Variants in APBA1 observed in about 807,000 individuals in gnomAD.
The protein encoded by APBA1 is amyloid-beta A4 precursor protein-binding family A member 1.
In APBA1, 55 loss-of-function variants were observed where a neutral mutation model predicts 86.6. The observed-to-expected ratio is 0.64, with a 90% confidence interval of 0.51 to 0.80. APBA1 has a LOEUF of 0.80. Ranked by LOEUF, APBA1 falls within the 30% of genes least tolerant of loss-of-function variation. APBA1 has a pLI of 0.00. For missense variants in APBA1, 1,090 were observed against 1,183.0 expected, an observed-to-expected ratio of 0.92 and a Z score of 1.15; for synonymous variants, 511 against 493.9, an observed-to-expected ratio of 1.03 and a Z score of -0.46.
At chr9:69,534,252 C>A (rs1836474538) in intron 1 of APBA1, among the ~76,000 whole-genome samples, 1 of 152,070 alleles carries the variant, frequency 6.6e-6, no homozygotes, top group African/African-American at 2.4e-5. Flanking sequence ...GAACTGAGTT[C>A]CTGCCCACCA....
chr9:69,571,339 C>A (rs1837111588), intron 1 of APBA1, among the ~76,000 whole-genome samples: 1 of 152,116 alleles, frequency 6.6e-6, no homozygotes, highest in Admixed American at 6.5e-5. Context: ...TTGATCCTGG[C>A]CTTTTTATCC....
At chr9:69,544,443 G>A (rs1442691875) in intron 1 of APBA1, among the ~76,000 whole-genome samples, 1 of 152,146 alleles carries the variant, frequency 6.6e-6, no homozygotes, top group Non-Finnish European at 1.5e-5. Context: ...ATACTCCCAT[G>A]CAGTAAGATG....
intron 10 of APBA1, among the ~76,000 whole-genome samples, chr9:69,447,884 G>A (rs1321697962): frequency 6.6e-6 from 1 of 152,120 alleles, no homozygotes; most frequent in Admixed American, 6.5e-5. Context: ...TCCCTGGGGG[G>A]CAGGGACTGT....
Position 69,516,929 on chromosome 9 carries a change from G to A in APBA1, c.282C>T (p.Gly94=). The A allele has an allele frequency of 6.3e-7, 1 of 1,594,006 alleles. No homozygotes were observed. The highest frequency in any genetic ancestry group is 8.5e-7 in the Non-Finnish European group (1 of 1,177,100). ...CGTCGCGGGCCGCGGCGATCACGTC[G>A]CCCTCGGCGGTGTCCGTGTGGTTGT... is the stretch of plus-strand genomic sequence containing the variant. The part of the protein sequence containing the change: ...GFHNHTDTAE[G]DVIAAARDGY... Residue 94 remains glycine (G), a synonymous_variant, in exon 2 of 13, where the codon GGC becomes GGT. Coordinates refer to ENST00000265381, the MANE Select transcript of APBA1 (RefSeq NM_001163.4). This position sits in a 1 kb window ranked among gnomAD's most constrained non-coding sequence, Gnocchi z 7.3.
At chr9:69,632,114 A>T (rs1055438042) in intron 1 of APBA1, among the ~76,000 whole-genome samples, 2 of 152,068 alleles carry the variant, frequency 1.3e-5, no homozygotes, top group Non-Finnish European at 2.9e-5. Context: ...TTTTCTCTGA[A>T]TAACACAGGA....
chr9:69,642,688 C>A (rs1304066815), intron 1 of APBA1, among the ~76,000 whole-genome samples: 1 of 151,784 alleles, frequency 6.6e-6, no homozygotes, highest in Non-Finnish European at 1.5e-5. Flanking sequence ...TCTTCATTTG[C>A]AGATGAAGGT....
At chr9:69,514,055 G>A (rs541147180) in intron 2 of APBA1, among the ~76,000 whole-genome samples, 2 of 152,312 alleles carry the variant, frequency 1.3e-5, no homozygotes, top group Admixed American at 6.5e-5. Flanking sequence ...GCAAAGGTTA[G>A]TCTTCCTGAT....
chr9:69,485,711 AT>A (rs1425723666), intron 2 of APBA1, among the ~76,000 whole-genome samples: 8 of 152,088 alleles, frequency 5.3e-5, no homozygotes, highest in African/African-American at 1.2e-4. Context: ...GTTCTACATA[AT>A]TACAAGGTCT....
intron 1 of APBA1, among the ~76,000 whole-genome samples, chr9:69,656,641 T>C (rs1369148089): frequency 1.3e-5 from 2 of 152,236 alleles, no homozygotes; most frequent in South Asian, 4.1e-4. Context: ...TTGATTCAAG[T>C]GCTAGTTATA....
chr9:69,666,972 A>T (rs760793725), intron 1 of APBA1, among the ~76,000 whole-genome samples: 2 of 152,174 alleles, frequency 1.3e-5, no homozygotes, highest in Non-Finnish European at 2.9e-5. Context: ...TGGGTATGGT[A>T]TTGGGCGAGG....
intron 1 of APBA1, among the ~76,000 whole-genome samples, chr9:69,523,481 ATATATATATATATATG>A (rs1324017021): frequency 0.022 from 1,754 of 80,372 alleles, 4 homozygotes; most frequent in African/African-American, 0.033. Flanking sequence ...ATATATGTAT[ATATATATATATATATG>A]TATATATATA....
intron 1 of APBA1, among the ~76,000 whole-genome samples, chr9:69,566,862 GTTA>G (rs1240738668): frequency 2.6e-5 from 4 of 151,992 alleles, no homozygotes; most frequent in Admixed American, 2.6e-4. Flanking sequence ...TATTTCTTCA[GTTA>G]TTATCTGGCA....
intron 5 of APBA1, chr9:69,461,469 T>C (rs1156647349): frequency 6.6e-6 from 1 of 152,196 alleles, no homozygotes; most frequent in Admixed American, 6.5e-5. Flanking sequence ...ACTGAGAACT[T>C]GCTATGTGCC....
At chr9:69,671,712 C>A (rs1823951603) in intron 1 of APBA1, among the ~76,000 whole-genome samples, 1 of 152,194 alleles carries the variant, frequency 6.6e-6, no homozygotes, top group Non-Finnish European at 1.5e-5. Context: ...GCCCACCTCA[C>A]CGTTTCCATC....
At chr9:69,527,078 A>C (rs1836354626) in intron 1 of APBA1, among the ~76,000 whole-genome samples, 1 of 152,006 alleles carries the variant, frequency 6.6e-6, no homozygotes, top group Non-Finnish European at 1.5e-5. Flanking sequence ...GGACTACTAG[A>C]GTGGGGAAGG....
chr9:69,579,993 A>T (rs1249812064), intron 1 of APBA1, among the ~76,000 whole-genome samples: 5 of 151,932 alleles, frequency 3.3e-5, no homozygotes, highest in African/African-American at 1.2e-4. Flanking sequence ...CTACTTCCTT[A>T]AAAAAAATGT....
In APBA1 at chr9:69,516,932, C is replaced by T. The variant is rs1836169462; in HGVS notation, c.279G>A (p.Glu93=). The change falls in exon 2 of 13, where the codon GAG becomes GAA. Residue 93 remains glutamate (E), a synonymous_variant. Transcript: ENST00000265381. The surrounding 1 kb of genome is among the most constrained non-coding windows in gnomAD (Gnocchi z 7.3). The part of the protein sequence containing the change: ...SGFHNHTDTA[E]GDVIAAARDG... ...CGCGGGCCGCGGCGATCACGTCGCC[C>T]TCGGCGGTGTCCGTGTGGTTGTGGA... The T allele has an allele frequency of 6.3e-7, 1 of 1,594,282 alleles. No individual in the cohort carries two copies. The highest frequency in any genetic ancestry group is 1.1e-5 in the South Asian group (1 of 90,388).
At chr9:69,437,172 A>C (rs867708564) in intron 11 of APBA1, among the ~76,000 whole-genome samples, 1 of 151,688 alleles carries the variant, frequency 6.6e-6, no homozygotes, top group Non-Finnish European at 1.5e-5. Context: ...TGCTGGATTC[A>C]GTTTGCCAGT....
At chr9:69,483,565 A>G (rs1835558344) in intron 2 of APBA1, among the ~76,000 whole-genome samples, 1 of 152,168 alleles carries the variant, frequency 6.6e-6, no homozygotes, top group Non-Finnish European at 1.5e-5. Flanking sequence ...AAAAGTCTGA[A>G]TTATGGAAAA....
Sources: allele counts gnomAD v4.1 joint callset (sites outside exome capture counted in the v4.1 genomes callset), GRCh38; gene constraint gnomAD v4.1.1; non-coding constraint Gnocchi (gnomAD v3.1); transcripts MANE v1.5; gene names NCBI Gene and HGNC (gene_info 2026-07-23, HGNC 2026-07-21).